The following ALAS2 variants were observed in gnomAD, a reference collection of about 807,000 sequenced individuals.
ALAS2 encodes 5-aminolevulinate synthase, erythroid-specific, mitochondrial.
In ALAS2, 3 loss-of-function variants were observed where a neutral mutation model predicts 33.7. The observed-to-expected ratio is 0.09, with a 90% confidence interval of 0.04 to 0.23. The LOEUF is 0.23. Ranked by LOEUF, ALAS2 falls within the 10% of genes least tolerant of loss-of-function variation. ALAS2 has a pLI of 1.00. For missense variants in ALAS2, 304 were observed against 475.1 expected, an observed-to-expected ratio of 0.64 and a Z score of 3.35; for synonymous variants, 191 against 177.3, an observed-to-expected ratio of 1.08 and a Z score of -0.61.
intron 2 of ALAS2, among the ~76,000 whole-genome samples, chrX:55,025,056 A>G (rs1338265979): frequency 9.0e-6 from 1 of 111,248 alleles, no homozygotes; most frequent in Non-Finnish European, 1.9e-5. Flanking sequence ...GGATAGAGGA[A>G]GTACATGGGC....
At chrX:55,020,903 T>G (rs1325047779) in intron 5 of ALAS2, 149 bp downstream of exon 5, 4 of 508,648 alleles carry the variant, frequency 7.9e-6, no homozygotes, top group Non-Finnish European at 1.3e-5. Flanking sequence ...TTATTTCATA[T>G]CCAAGGAATA....
chrX:55,009,638 G>C (rs905087428), intron 10 of ALAS2, among the ~76,000 whole-genome samples: 2 of 111,297 alleles, frequency 1.8e-5, no homozygotes, highest in African/African-American at 6.5e-5. Context: ...AAGAATGACT[G>C]TCTGCTTGGG....
Position 55,009,145 on chromosome X carries a change from C to A in ALAS2, c.*35G>T. 1 of 1,199,932 alleles carries A rather than the reference C, an allele frequency of 8.3e-7. No homozygotes were observed. Among genetic ancestry groups the A allele is most frequent in the Middle Eastern group, 2.3e-4 (1 of 4,309 alleles). ...GGAGTAGGCCTGGACCCAAGTGAAG[C>A]GCAGGTGGGGTGTGAATCCTAGGCA... On this transcript the variant is annotated 3_prime_UTR_variant, in exon 11 of 11. Coordinates refer to ENST00000650242, the MANE Select transcript of ALAS2 (RefSeq NM_000032.5).
At position 55,010,796 on chromosome X, in the gene ALAS2, T is replaced by G. The variant is rs770886919; in HGVS notation, c.1601-1453A>C. Among the ~76,000 whole-genome samples the G allele has an allele frequency of 2.7e-5, 3 of 112,063 alleles. No individual in the cohort carries two copies. In the East Asian group the frequency reaches 8.4e-4, roughly 31 times the overall value. ...ATGTGCTACTTAATTTGCTTATTTT[T>G]GGTAATTTTTTTTACTACCCCTTCC... On this transcript the variant is annotated intron_variant, in intron 10 of 10. Coordinates refer to ENST00000650242, the MANE Select transcript of ALAS2 (RefSeq NM_000032.5).
rs1016452350 is a variant in ALAS2, at chrX:55,020,499, G to A, written c.644C>T (p.Thr215Ile). The change falls in exon 6 of 11, where the codon ACC becomes ATC. Residue 215 changes from threonine to isoleucine, a missense_variant. By Grantham distance (89) the Thr-to-Ile change is moderately conservative. Around this residue, in one of 3 missense-constraint regions of ALAS2, gnomAD observed 138 missense variants for 265.3 expected, o/e 0.52. Transcript: ENST00000650242. ...HPQVLQATQE[T>I]LQRHGAGAGG... ...AGCTCCAGCACCATGACGCTGCAGG[G>A]TCTCCCTGGCCAGGAGAAAACAGGA... is the stretch of plus-strand genomic sequence containing the variant. 16 of 1,172,330 alleles carry A rather than the reference G, an allele frequency of 1.4e-5. No individual in the cohort carries two copies. The South Asian group carries it at 1.7e-4, about 12-fold the overall frequency.
rs143294181 is a variant in ALAS2, at chrX:55,026,297, C to A, written c.-15-282G>T. Reference sequence around the variant, plus strand: ...ACTCACATTCTGGCACTGACTACCTCTGTGATGATGAGGATCACTGAAATG... The same window carrying A: ...ACTCACATTCTGGCACTGACTACCTATGTGATGATGAGGATCACTGAAATG... On this transcript the variant is annotated intron_variant, in intron 1 of 10. Transcript: ENST00000650242. Among the ~76,000 whole-genome samples the A allele has an allele frequency of 0.019, 2,147 of 112,277 alleles. 39 individuals are homozygous for A. The highest frequency in any genetic ancestry group is 0.06 in the African/African-American group (1,860 of 30,875).
intron 10 of ALAS2, 138 bp from the exon 11 acceptor site, chrX:55,009,481 G>A (rs1251251263): frequency 3.4e-6 from 2 of 581,093 alleles, no homozygotes; most frequent in Admixed American, 7.6e-5. Flanking sequence ...CCTACTGTTT[G>A]CTTCTGTGTG....
chrX:55,010,810 A>G (rs1051561632), intron 10 of ALAS2, among the ~76,000 whole-genome samples: 5 of 111,254 alleles, frequency 4.5e-5, no homozygotes, highest in African/African-American at 1.6e-4. Flanking sequence ...AATTTTTTTT[A>G]CTACCCCTTC....
At chrX:55,016,798 A>G (rs1935710181) in intron 7 of ALAS2, among the ~76,000 whole-genome samples, 1 of 112,142 alleles carries the variant, frequency 8.9e-6, no homozygotes, top group African/African-American at 3.2e-5. Context: ...AATAACTAGA[A>G]TGGTTTCTAT....
chrX:55,028,437 A>G (rs1373683004), intron 1 of ALAS2, among the ~76,000 whole-genome samples: 1 of 111,286 alleles, frequency 9.0e-6, no homozygotes, highest in Non-Finnish European at 1.9e-5. Context: ...AATGCCAACA[A>G]CATTGGGGTA....
At chrX:55,013,678 C>T in intron 9 of ALAS2, 30 bp from the exon 10 acceptor site, 1 of 1,206,121 alleles carries the variant, frequency 8.3e-7, no homozygotes, top group Non-Finnish European at 1.1e-6. Context: ...TAATCAGTAC[C>T]TGCCACTCTG....
Position 55,015,560 on chromosome X carries a change from C to T in ALAS2, c.1168+18G>A, listed in dbSNP as rs1261650436. The T allele has an allele frequency of 8.3e-7, 1 of 1,210,279 alleles. No individual in the cohort carries two copies. Among genetic ancestry groups the T allele is most frequent in the Admixed American group, 2.2e-5 (1 of 45,973 alleles). On this transcript the variant is annotated intron_variant, in intron 8 of 10. Coordinates refer to ENST00000650242, the MANE Select transcript of ALAS2 (RefSeq NM_000032.5). ...CCTCTCTGGAGGGTATATAAGAAGGCCCAAAGCATTCACTTACCAAGAGTT... is the reference window on the plus strand; with the variant it reads ...CCTCTCTGGAGGGTATATAAGAAGGTCCAAAGCATTCACTTACCAAGAGTT...
At chrX:55,026,041 G>C (rs769705712) in intron 1 of ALAS2, 26 bp from the exon 2 acceptor site, 4 of 1,179,806 alleles carry the variant, frequency 3.4e-6, no homozygotes, top group Non-Finnish European at 3.4e-6. Flanking sequence ...AAGAGATGAG[G>C]TTCCATCATG....
Position 55,021,267 on chromosome X carries a change from A to G in ALAS2, c.423T>C (p.Tyr141=). Residue 141 remains tyrosine (Y), a synonymous_variant, in exon 5 of 11, where the codon TAT becomes TAC. Coordinates refer to ENST00000650242, the MANE Select transcript of ALAS2 (RefSeq NM_000032.5). ...HLIQNNMPGN[Y]VFSYDQFFRD... ...TGAAAAACTGGTCATAACTGAAGACATAGTTTCCTGCAGGAGCAGATATGA... is the reference window on the plus strand; with the variant it reads ...TGAAAAACTGGTCATAACTGAAGACGTAGTTTCCTGCAGGAGCAGATATGA... 1 of 1,205,965 alleles carries G rather than the reference A, an allele frequency of 8.3e-7. No homozygotes were observed. The highest frequency in any genetic ancestry group is 1.1e-6 in the Non-Finnish European group (1 of 889,873).
rs577210546 is a variant in ALAS2 at position 55,029,943 on chromosome X, C to G, written c.-16+999G>C. On this transcript the variant is annotated intron_variant, in intron 1 of 10. Transcript: ENST00000650242. Reference sequence around the variant, plus strand: ...CCAGAAAACACTCATTGCAGCATTCCTTGTCCCCCACCCCCCCACCCCTTT... The same window carrying G: ...CCAGAAAACACTCATTGCAGCATTCGTTGTCCCCCACCCCCCCACCCCTTT... Among the ~76,000 whole-genome samples the G allele has an allele frequency of 7.6e-5, 8 of 104,908 alleles. No homozygotes were observed. The South Asian group carries it at 3.6e-3, about 48-fold the overall frequency. The allele number at this position is 104,908 out of a possible 115,157, so 91.1% of individuals were successfully genotyped here.
rs749148122 is a variant in ALAS2, at chrX:55,014,975, G to T, written c.1209C>A (p.Thr403=). ...AGCGCACCATGTCCACCAAGTCACG[G>T]GTGCTGGCAATGTAGCCGCCCACAC... ...FGCVGGYIAS[T]RDLVDMVRSY... is the part of the protein sequence containing the mutation. The change falls in exon 9 of 11, where the codon ACC becomes ACA. Residue 403 remains threonine (T), a synonymous_variant. Coordinates refer to ENST00000650242, the MANE Select transcript of ALAS2 (RefSeq NM_000032.5). 8.3e-7 allele frequency: 1 copy of T among 1,210,781 alleles called. No homozygotes were observed. Among genetic ancestry groups the T allele is most frequent in the East Asian group, 3.0e-5 (1 of 33,827 alleles).
At chrX:55,027,957 A>C (rs1427544206) in intron 1 of ALAS2, 1 of 488,643 alleles carries the variant, frequency 2.0e-6, no homozygotes, top group African/African-American at 2.4e-5. Flanking sequence ...ATCTTCAATA[A>C]ATGTTAGCTT....
intron 7 of ALAS2, among the ~76,000 whole-genome samples, chrX:55,016,178 C>G (rs1341027125): frequency 9.0e-6 from 1 of 110,535 alleles, no homozygotes; most frequent in Non-Finnish European, 1.9e-5. Flanking sequence ...ACAGTTTGGG[C>G]AGAGTTTGCA....
Position 55,014,785 on chromosome X carries a change from G to A in ALAS2, c.1399C>T (p.Pro467Ser). The A allele has an allele frequency of 8.4e-7, 1 of 1,194,779 alleles. No individual in the cohort carries two copies. The highest frequency in any genetic ancestry group is 1.1e-6 in the Non-Finnish European group (1 of 885,038). Residue 467 changes from proline to serine, a missense_variant, in exon 9 of 11, where the codon CCT (proline) becomes TCT (serine). Pro to Ser is a moderately conservative substitution (Grantham distance 74). Coordinates refer to ENST00000650242, the MANE Select transcript of ALAS2 (RefSeq NM_000032.5). ...MRQLLMDRGL[P>S]VIPCPSHIIP... The stretch of plus-strand genomic sequence containing the variant: ...ATGTGGCTGGGGCAGGGGATGACAG[G>A]AAGGCCCCTGTCCATGAGTAGCTGG...
Sources: gnomAD v4.1 joint callset for allele counts (sites outside exome capture counted in the v4.1 genomes callset) on GRCh38, gnomAD v4.1.1 for gene constraint, gnomAD v4.1.1 regional missense constraint, MANE v1.5 for transcripts, NCBI Gene and HGNC (gene_info 2026-07-23, HGNC 2026-07-21) for gene names.